Variants in SPRED1 observed in about 807,000 individuals in gnomAD.
The protein encoded by SPRED1 is sprouty related EVH1 domain containing 1.
SPRED1 carries 18 observed loss-of-function variants against 52.3 expected under a neutral mutation model. That is an observed-to-expected ratio of 0.34 (90% confidence interval 0.24 to 0.51). SPRED1 has a LOEUF of 0.51. Among genes scored for constraint, SPRED1 ranks in the 20% least tolerant of loss-of-function variants. The pLI, the probability that SPRED1 is intolerant of heterozygous loss-of-function variation, is 0.97. For missense variants in SPRED1, 485 were observed against 551.0 expected (o/e 0.88, Z 1.20); for synonymous variants, 155 against 179.7 (o/e 0.86, Z 1.10).
In SPRED1 at chr15:38,354,258, C is replaced by T. The variant is rs1233239168; in HGVS notation, c.*2594C>T. ...ATAGGCACCTTCAGGAACATTTTCT[C>T]ATTCTCTGTACAGATTCGGCACTGC... On this transcript the variant is annotated 3_prime_UTR_variant, in exon 7 of 7. Coordinates refer to ENST00000299084, the MANE Select transcript of SPRED1 (RefSeq NM_152594.3). The T allele has an allele frequency of 1.3e-5, 2 of 152,202 alleles. No homozygotes were observed. Among genetic ancestry groups the T allele is most frequent in the Non-Finnish European group, 2.9e-5 (2 of 68,044 alleles). 9.4% of individuals were successfully genotyped at this position (152,202 alleles called of 1,614,324 possible).
intron 1 of SPRED1, among the ~76,000 whole-genome samples, chr15:38,254,799 C>T (rs1013784877): frequency 3.9e-5 from 6 of 152,332 alleles, no homozygotes; most frequent in South Asian, 2.1e-4. Context: ...TACAGTCTCT[C>T]CCTGCCTTCT....
intron 1 of SPRED1, among the ~76,000 whole-genome samples, chr15:38,262,311 A>T (rs1595712689): frequency 6.6e-6 from 1 of 152,228 alleles, no homozygotes; most frequent in Non-Finnish European, 1.5e-5. Flanking sequence ...AGGGAAATAG[A>T]TACTTCTGAA....
At chr15:38,295,018 A>G (rs1414203758) in intron 1 of SPRED1, among the ~76,000 whole-genome samples, 4 of 152,212 alleles carry the variant, frequency 2.6e-5, no homozygotes. Context: ...TCATCGAGGT[A>G]ACATTTCCTT....
chr15:38,279,182 G>T (rs1894631615), intron 1 of SPRED1, among the ~76,000 whole-genome samples: 2 of 152,084 alleles, frequency 1.3e-5, no homozygotes, highest in South Asian at 4.1e-4. Context: ...TGAATCTGTG[G>T]ATGTGGTACC....
intron 1 of SPRED1, among the ~76,000 whole-genome samples, chr15:38,263,839 CAT>C (rs1179489531): frequency 2.0e-5 from 3 of 152,126 alleles, no homozygotes; most frequent in Non-Finnish European, 4.4e-5. Flanking sequence ...AAAAAAATCT[CAT>C]AATGTTATAA....
chr15:38,281,780 A>G (rs1179210831), intron 1 of SPRED1, among the ~76,000 whole-genome samples: 1 of 152,112 alleles, frequency 6.6e-6, no homozygotes, highest in South Asian at 2.1e-4. Context: ...ATAAAAATAT[A>G]TAAAATACAT....
At chr15:38,265,401 T>TG (rs1894287907) in intron 1 of SPRED1, among the ~76,000 whole-genome samples, 1 of 152,140 alleles carries the variant, frequency 6.6e-6, no homozygotes, top group South Asian at 2.1e-4. Context: ...AGCCTGAAGG[T>TG]GGGGTCGCTT....
chr15:38,259,348 C>T (rs1894160885), intron 1 of SPRED1, among the ~76,000 whole-genome samples: 1 of 152,128 alleles, frequency 6.6e-6, no homozygotes, highest in Admixed American at 6.6e-5. Context: ...CCTTGAACTC[C>T]TGGGTTCAAG....
chr15:38,297,473 T>C (rs932355198), intron 1 of SPRED1, among the ~76,000 whole-genome samples: 3 of 152,212 alleles, frequency 2.0e-5, no homozygotes, highest in African/African-American at 7.2e-5. Flanking sequence ...CCAACCTTCA[T>C]GCACCCGCAC....
intron 2 of SPRED1, among the ~76,000 whole-genome samples, chr15:38,319,940 C>CG (rs1217323846): frequency 6.6e-6 from 1 of 152,184 alleles, no homozygotes; most frequent in Non-Finnish European, 1.5e-5. Context: ...TTTTACTCAA[C>CG]ATGCCATCAT....
At chr15:38,258,546 G>A (rs1362804240) in intron 1 of SPRED1, among the ~76,000 whole-genome samples, 1 of 152,056 alleles carries the variant, frequency 6.6e-6, no homozygotes, top group African/African-American at 2.4e-5. Flanking sequence ...TTAAAAGAGA[G>A]GAAAATATTT....
intron 6 of SPRED1, among the ~76,000 whole-genome samples, chr15:38,349,772 A>T (rs964917806): frequency 6.6e-6 from 1 of 152,214 alleles, no homozygotes; most frequent in Non-Finnish European, 1.5e-5. Context: ...TTAATTAAAT[A>T]AACTGTATCT....
chr15:38,342,749 A>G (rs922215387), intron 5 of SPRED1, among the ~76,000 whole-genome samples: 7 of 152,000 alleles, frequency 4.6e-5, no homozygotes, highest in African/African-American at 1.4e-4. Flanking sequence ...TGCTATACCT[A>G]TGTATTAGGT....
chr15:38,298,948 G>T (rs1278161899), intron 1 of SPRED1, among the ~76,000 whole-genome samples: 1 of 152,162 alleles, frequency 6.6e-6, no homozygotes, highest in African/African-American at 2.4e-5. Flanking sequence ...GGGACTTCTA[G>T]ATGCTGCAGT....
chr15:38,263,800 A>G (rs1894250226), intron 1 of SPRED1, among the ~76,000 whole-genome samples: 1 of 152,214 alleles, frequency 6.6e-6, no homozygotes, highest in Non-Finnish European at 1.5e-5. Flanking sequence ...CACTAAAGGT[A>G]GCGGATGCGC....
intron 4 of SPRED1, among the ~76,000 whole-genome samples, chr15:38,337,423 T>C (rs1566872087): frequency 6.6e-6 from 1 of 152,192 alleles, no homozygotes; most frequent in African/African-American, 2.4e-5. Context: ...AATGATGCTT[T>C]GGTTATTTTA....
rs1161126847 is a variant in SPRED1, at chr15:38,338,593, A to G, written c.424-1144A>G. 4.6e-5 allele frequency among the ~76,000 whole-genome samples: 7 copies of G among 152,226 alleles called. No individual in the cohort carries two copies. The South Asian group carries it at 6.2e-4, about 14-fold the overall frequency. On this transcript the variant is annotated intron_variant, in intron 4 of 6. Coordinates refer to ENST00000299084, the MANE Select transcript of SPRED1 (RefSeq NM_152594.3). ...GTTTTAAGTGACAGTAGATTCTCAG[A>G]TATATTTTTAATAGTTCAATTGCCT...
At chr15:38,268,510 TAC>T (rs1409179357) in intron 1 of SPRED1, among the ~76,000 whole-genome samples, 1 of 152,234 alleles carries the variant, frequency 6.6e-6, no homozygotes, top group Non-Finnish European at 1.5e-5. Flanking sequence ...GTGTGCGTGA[TAC>T]ACTTACCCTT....
intron 1 of SPRED1, among the ~76,000 whole-genome samples, chr15:38,278,006 T>TAATGGC (rs60189904): frequency 0.82 from 124,543 of 151,358 alleles, 52,034 homozygotes; most frequent in Non-Finnish European, 0.9. Context: ...AAGGATGTAT[T>TAATGGC]AATGGCAAGT....
Sources: gnomAD v4.1 joint callset for allele counts (sites outside exome capture counted in the v4.1 genomes callset) on GRCh38, gnomAD v4.1.1 for gene constraint, MANE v1.5 for transcripts, NCBI Gene and HGNC (gene_info 2026-07-23, HGNC 2026-07-21) for gene names.